CELF2: variants seen among roughly 807,000 people sequenced by gnomAD.
The protein encoded by CELF2 is CUG triplet repeat RNA-binding protein 2.
A neutral mutation model predicts 62.6 loss-of-function variants in CELF2; 8 were observed. The ratio of observed to expected loss-of-function variants is 0.13; its 90% CI spans 0.07 to 0.23. The LOEUF (loss-of-function observed/expected upper bound fraction) is 0.23, where lower values mean the gene tolerates loss of function less well. Among genes scored for constraint, CELF2 ranks in the 10% least tolerant of loss-of-function variants. The pLI is 1.00. For synonymous variants in CELF2, 258 were observed against 250.0 expected (o/e 1.03, Z -0.30); for missense variants, 333 against 671.0 (o/e 0.50, Z 5.56).
intron 1 of CELF2, among the ~76,000 whole-genome samples, chr10:11,132,805 A>C (rs1457793898): frequency 6.6e-6 from 1 of 152,226 alleles, no homozygotes; most frequent in South Asian, 2.1e-4. Context: ...ATGGACCCTT[A>C]GGCCTTTGCT....
chr10:11,182,672 C>A (rs1463293948), intron 2 of CELF2, among the ~76,000 whole-genome samples: 1 of 152,182 alleles, frequency 6.6e-6, no homozygotes, highest in Admixed American at 6.5e-5. Flanking sequence ...TCACCTCTCC[C>A]TACCACCCCA....
chr10:10,765,711 C>T, the CELF2 span, among the ~76,000 whole-genome samples: 1 of 152,182 alleles, frequency 6.6e-6, no homozygotes, highest in Non-Finnish European at 1.5e-5. Context: ...ACTACCTGTT[C>T]TAGAGTTCGC....
the CELF2 span, among the ~76,000 whole-genome samples, chr10:10,771,911 A>C: frequency 2.0e-5 from 3 of 152,220 alleles, no homozygotes; most frequent in Admixed American, 2.0e-4. Context: ...AGTCACTTAC[A>C]ACTGAAAAAG....
intron 1 of CELF2, among the ~76,000 whole-genome samples, chr10:11,097,843 C>T (rs949219777): frequency 1.3e-5 from 2 of 152,340 alleles, no homozygotes. Context: ...TCATCACCCC[C>T]GATCAGGGAC....
At chr10:11,016,182 A>G (rs779877989), upstream of CELF2, among the ~76,000 whole-genome samples, 16 of 152,248 alleles carry the variant, frequency 1.1e-4, no homozygotes, top group Admixed American at 2.0e-4. This position sits in a 1 kb window ranked among gnomAD's most constrained non-coding sequence, Gnocchi z 5.2. Context: ...TTGAAGACCA[A>G]TCAAAATCCT....
chr10:10,724,923 C>T, the CELF2 span, among the ~76,000 whole-genome samples: 1 of 150,420 alleles, frequency 6.6e-6, no homozygotes, highest in African/African-American at 2.4e-5. Flanking sequence ...TCAGAAAGCT[C>T]TGAAGGGGGC....
the CELF2 span, among the ~76,000 whole-genome samples, chr10:10,612,601 A>G: frequency 4.4e-4 from 67 of 152,330 alleles, no homozygotes; most frequent in African/African-American, 1.5e-3. Context: ...AAGGAAGTTG[A>G]GTCATGACAG....
chr10:11,282,789 G>A (rs553815621), intron 8 of CELF2, among the ~76,000 whole-genome samples: 1 of 152,374 alleles, frequency 6.6e-6, no homozygotes, highest in South Asian at 2.1e-4. Flanking sequence ...CGGGTCATGT[G>A]AGAGCAGGAC....
At chr10:10,736,677 A>C in the CELF2 span, among the ~76,000 whole-genome samples, 2 of 152,076 alleles carry the variant, frequency 1.3e-5, no homozygotes, top group Non-Finnish European at 2.9e-5. Context: ...AGAGGAAAAT[A>C]AAGAAAAAAA....
At chr10:10,757,472 ATAAAATAGAC>A in the CELF2 span, among the ~76,000 whole-genome samples, 1 of 152,142 alleles carries the variant, frequency 6.6e-6, no homozygotes, top group Non-Finnish European at 1.5e-5. Context: ...ATAAAATAGA[ATAAAATAGAC>A]TAACTCTGTG....
chr10:11,196,998 G>A lies in CELF2; in HGVS notation c.272-20427G>A, dbSNP rs1488596400. 1.2e-3 allele frequency among the ~76,000 whole-genome samples: 53 copies of A among 42,402 alleles called. 6 individuals are homozygous for A. The highest frequency in any genetic ancestry group is 4.7e-3 in the African/African-American group (45 of 9,508). The allele number at this position is 42,402 out of a possible 152,430, so 27.8% of individuals were successfully genotyped here. On this transcript the variant is annotated intron_variant, in intron 2 of 12. Transcript: ENST00000633077. ...GAAAGAGAGAAAGAAAGAAAGGAAG[G>A]AAGGAGAAAGAAAGAAAGAAAGAAA...
At chr10:10,951,640 C>G (rs2048329010) in intron 2 of CELF2, among the ~76,000 whole-genome samples, 1 of 152,164 alleles carries the variant, frequency 6.6e-6, no homozygotes, top group South Asian at 2.1e-4. Context: ...GGTGTTCAGT[C>G]TTTCCACTTC....
chr10:10,715,560 A>G, the CELF2 span, among the ~76,000 whole-genome samples: 17 of 152,202 alleles, frequency 1.1e-4, no homozygotes, highest in African/African-American at 4.1e-4. Flanking sequence ...TCTATTTTAC[A>G]TAATATTGTG....
chr10:11,083,886 C>G (rs138003940), intron 1 of CELF2, among the ~76,000 whole-genome samples: 141 of 152,304 alleles, frequency 9.3e-4, no homozygotes, highest in Middle Eastern at 6.8e-3. Flanking sequence ...CCAAGGCTGA[C>G]ATGTACTGAC....
chr10:10,990,616 G>A lies in CELF2; in HGVS notation c.89+70617G>A, dbSNP rs548981769. Among the ~76,000 whole-genome samples, 1 of 152,278 alleles carries A rather than the reference G, an allele frequency of 6.6e-6. No homozygotes were observed. Among genetic ancestry groups the A allele is most frequent in the East Asian group, 1.9e-4 (1 of 5,192 alleles). On this transcript the variant is annotated intron_variant, in intron 2 of 13. Coordinates refer to the CELF2 transcript ENST00000636488. The surrounding 1 kb of genome is among the most constrained non-coding windows in gnomAD (Gnocchi z 4.6). ...AGTATAATAGTATAATATACGCTCAGTGGCAATTCAGTGTATTTCATAGAT... is the reference window on the plus strand; with the variant it reads ...AGTATAATAGTATAATATACGCTCAATGGCAATTCAGTGTATTTCATAGAT...
At chr10:10,667,728 C>T in the CELF2 span, among the ~76,000 whole-genome samples, 1 of 152,174 alleles carries the variant, frequency 6.6e-6, no homozygotes, top group Non-Finnish European at 1.5e-5. Flanking sequence ...CACTGGAACA[C>T]AGGGAATAAA....
intron 1 of CELF2, among the ~76,000 whole-genome samples, chr10:11,064,824 G>A (rs966020960): frequency 3.3e-5 from 5 of 152,296 alleles, no homozygotes; most frequent in Non-Finnish European, 7.4e-5. Context: ...AAAATCTGTT[G>A]CTTGAGCTGG....
At chr10:10,566,488 T>G in the CELF2 span, among the ~76,000 whole-genome samples, 1 of 151,014 alleles carries the variant, frequency 6.6e-6, no homozygotes, top group South Asian at 2.1e-4. Flanking sequence ...TACATATGTA[T>G]ACATGTGCCA....
At chr10:10,516,953 C>A in the CELF2 span, among the ~76,000 whole-genome samples, 1 of 152,094 alleles carries the variant, frequency 6.6e-6, no homozygotes, top group African/African-American at 2.4e-5. Flanking sequence ...CCTTCCGCAG[C>A]ACAGCATGTC....
Sources: allele counts gnomAD v4.1 joint callset (sites outside exome capture counted in the v4.1 genomes callset), GRCh38; gene constraint gnomAD v4.1.1; non-coding constraint Gnocchi (gnomAD v3.1); transcripts MANE v1.5; gene names NCBI Gene and HGNC (gene_info 2026-07-23, HGNC 2026-07-21).